Variants in GRM5 observed in about 807,000 individuals in gnomAD.
The protein encoded by GRM5 is metabotropic glutamate receptor 5.
A neutral mutation model predicts 83.1 loss-of-function variants in GRM5; 19 were observed. That is an observed-to-expected ratio of 0.23 (90% CI 0.16 to 0.34). The LOEUF is 0.34. GRM5 is among the 10% of genes least tolerant of loss of function. The pLI, the probability that GRM5 is intolerant of heterozygous loss-of-function variation, is 1.00. For missense variants in GRM5, 1,160 were observed against 1,588.3 expected, an observed-to-expected ratio of 0.73 and a Z score of 4.58; for synonymous variants, 675 against 633.6, an observed-to-expected ratio of 1.07 and a Z score of -0.98.
intron 4 of GRM5, among the ~76,000 whole-genome samples, chr11:88,616,414 T>TA (rs1491272218): frequency 1.1e-5 from 1 of 88,306 alleles, no homozygotes; most frequent in East Asian, 3.6e-4. Flanking sequence ...TTTTTTTTTT[T>TA]ACCAGAGAAA....
chr11:88,793,304 G>A (rs1394025646), intron 3 of GRM5, among the ~76,000 whole-genome samples: 1 of 151,938 alleles, frequency 6.6e-6, no homozygotes, highest in Non-Finnish European at 1.5e-5. Flanking sequence ...TTTAACCTGT[G>A]GTATAAGCTA....
intron 3 of GRM5, among the ~76,000 whole-genome samples, chr11:88,754,723 C>T (rs982673500): frequency 6.6e-6 from 1 of 152,094 alleles, no homozygotes; most frequent in African/African-American, 2.4e-5. Context: ...TGTGTTCATA[C>T]ATATTAACTA....
At chr11:88,930,870 T>C (rs1241711197) in intron 2 of GRM5, among the ~76,000 whole-genome samples, 1 of 152,064 alleles carries the variant, frequency 6.6e-6, no homozygotes, top group Admixed American at 6.6e-5. Context: ...GCCAACTCCT[T>C]AATGGTAGAG....
At chr11:88,630,560 CACACACACACACAA>C (rs200582555) in intron 4 of GRM5, among the ~76,000 whole-genome samples, 3,528 of 46,044 alleles carry the variant, frequency 0.077, 78 homozygotes, top group African/African-American at 0.13. Context: ...CACACACACA[CACACACACACACAA>C]ACACACACAC....
At chr11:88,730,838 G>C (rs1014412127) in intron 3 of GRM5, among the ~76,000 whole-genome samples, 2 of 152,028 alleles carry the variant, frequency 1.3e-5, no homozygotes, top group Non-Finnish European at 2.9e-5. Flanking sequence ...TGGACACAGG[G>C]AGGGGAACAC....
intron 4 of GRM5, among the ~76,000 whole-genome samples, chr11:88,644,920 G>T (rs1209765820): frequency 6.6e-6 from 1 of 152,060 alleles, no homozygotes; most frequent in East Asian, 1.9e-4. Flanking sequence ...ATTTATTTTG[G>T]TCACTATATT....
intron 1 of GRM5, among the ~76,000 whole-genome samples, chr11:89,064,353 C>T (rs8181526): frequency 0.051 from 7,688 of 152,192 alleles, 329 homozygotes; most frequent in African/African-American, 0.12. Flanking sequence ...ACTTTAGGCT[C>T]TGTGGATCTG....
chr11:88,827,574 C>T (rs959656614), intron 3 of GRM5, among the ~76,000 whole-genome samples: 5 of 152,216 alleles, frequency 3.3e-5, no homozygotes, highest in African/African-American at 9.6e-5. Context: ...TGTACCAGAA[C>T]ATAAAACTAC....
At chr11:88,612,748 T>G (rs1938359628) in intron 4 of GRM5, 1 of 152,206 alleles carries the variant, frequency 6.6e-6, no homozygotes, top group South Asian at 2.1e-4. Context: ...ATGTGTTTTT[T>G]GGCTGCATAA....
At chr11:88,517,810 C>T (rs972275700) in intron 9 of GRM5, among the ~76,000 whole-genome samples, 1 of 152,016 alleles carries the variant, frequency 6.6e-6, no homozygotes, top group Non-Finnish European at 1.5e-5. Context: ...CAGAAAATTA[C>T]AAGCTAGCAA....
At chr11:88,971,409 T>C (rs1939160696) in intron 2 of GRM5, among the ~76,000 whole-genome samples, 1 of 152,184 alleles carries the variant, frequency 6.6e-6, no homozygotes, top group African/African-American at 2.4e-5. Flanking sequence ...AAGCTAATAG[T>C]TTTTTGATCT....
At chr11:88,790,193 T>C (rs1943147421) in intron 3 of GRM5, among the ~76,000 whole-genome samples, 1 of 152,174 alleles carries the variant, frequency 6.6e-6, no homozygotes, top group Admixed American at 6.5e-5. Context: ...AATTCTCCCA[T>C]ATCCTGTATG....
rs537454585 is a variant in GRM5 at position 88,635,358 on chromosome 11, G to T, written c.1147+17810C>A. ...CATCTCTTTCATCTTTTTGATAGTA[G>T]CCATTCTAACAGGTGTGAGATGATA... On this transcript the variant is annotated intron_variant, in intron 4 of 9. Coordinates refer to ENST00000305447, the MANE Select transcript of GRM5 (RefSeq NM_001143831.3). 5.3e-5 allele frequency among the ~76,000 whole-genome samples: 8 copies of T among 152,210 alleles called. No individual in the cohort carries two copies. In the South Asian group the frequency reaches 1.4e-3, roughly 28 times the overall value.
chr11:88,650,438 A>G (rs1939600577), intron 4 of GRM5, among the ~76,000 whole-genome samples: 1 of 151,992 alleles, frequency 6.6e-6, no homozygotes, highest in African/African-American at 2.4e-5. Flanking sequence ...CAAAAACATG[A>G]AAAGGAGCTT....
chr11:89,025,005 C>CTA (rs140594545), intron 2 of GRM5, among the ~76,000 whole-genome samples: 4,414 of 152,272 alleles, frequency 0.029, 157 homozygotes, highest in African/African-American at 0.085. Context: ...AGCCACAAAT[C>CTA]TATACAATGT....
chr11:88,844,387 C>CAT (rs1565258084), intron 3 of GRM5, among the ~76,000 whole-genome samples: 2 of 144,378 alleles, frequency 1.4e-5, no homozygotes, highest in African/African-American at 5.5e-5. Flanking sequence ...CACACACACA[C>CAT]ACATATATAT....
At chr11:88,867,099 G>T (rs771321429) in intron 2 of GRM5, among the ~76,000 whole-genome samples, 2 of 152,038 alleles carry the variant, frequency 1.3e-5, no homozygotes, top group Non-Finnish European at 2.9e-5. Flanking sequence ...CGCTGTTTTG[G>T]TTACTGTAGC....
chr11:88,805,966 G>T (rs1943492967), intron 3 of GRM5, among the ~76,000 whole-genome samples: 1 of 152,080 alleles, frequency 6.6e-6, no homozygotes, highest in African/African-American at 2.4e-5. Context: ...AGATCTCTAG[G>T]GTCAGACTCT....
At chr11:88,793,974 C>A (rs1205680410) in intron 3 of GRM5, among the ~76,000 whole-genome samples, 3 of 152,064 alleles carry the variant, frequency 2.0e-5, no homozygotes, top group African/African-American at 7.2e-5. Flanking sequence ...TGACTACAGG[C>A]ACACACCACT....
Sources: gnomAD v4.1 joint callset for allele counts (sites outside exome capture counted in the v4.1 genomes callset) on GRCh38, gnomAD v4.1.1 for gene constraint, MANE v1.5 for transcripts, NCBI Gene and HGNC (gene_info 2026-07-23, HGNC 2026-07-21) for gene names.